NPFFR2: variants seen among roughly 807,000 people sequenced by gnomAD.
NPFFR2 encodes the protein neuropeptide FF receptor 2.
A neutral mutation model predicts 13.1 loss-of-function variants in NPFFR2; 15 were observed. The ratio of observed to expected loss-of-function variants is 1.15; its 90% CI spans 0.77 to 1.76. The LOEUF (loss-of-function observed/expected upper bound fraction) is 1.76. Ranked by LOEUF, NPFFR2 falls within the 40% of genes most tolerant of loss-of-function variation. The pLI is 0.00. For synonymous variants in NPFFR2, 190 were observed against 175.7 expected (o/e 1.08, Z -0.65); for missense variants, 572 against 503.5 (o/e 1.14, Z -1.30).
At chr4:72,048,203 G>A (rs1347880449) in intron 1 of NPFFR2, among the ~76,000 whole-genome samples, 1 of 152,078 alleles carries the variant, frequency 6.6e-6, no homozygotes, top group Admixed American at 6.6e-5. Context: ...CAACGAAAAG[G>A]CCAGAGACAC....
chr4:72,051,189 C>T (rs553815679), intron 1 of NPFFR2, among the ~76,000 whole-genome samples: 3 of 151,910 alleles, frequency 2.0e-5, no homozygotes, highest in Admixed American at 1.3e-4. Context: ...AGTTGCCACA[C>T]TGACTTCCAC....
At chr4:72,091,586 ATCCATC>A (rs1472137913) in intron 1 of NPFFR2, among the ~76,000 whole-genome samples, 1 of 152,086 alleles carries the variant, frequency 6.6e-6, no homozygotes, top group African/African-American at 2.4e-5. Context: ...CCAAGAATTT[ATCCATC>A]TCCTCTAGGT....
intron 1 of NPFFR2, among the ~76,000 whole-genome samples, chr4:72,126,604 CTGTT>C (rs536038415): frequency 3.2e-4 from 49 of 152,334 alleles, no homozygotes; most frequent in African/African-American, 1.0e-3. Flanking sequence ...TATGCCTAGA[CTGTT>C]TGTACAAACA....
intron 1 of NPFFR2, among the ~76,000 whole-genome samples, chr4:72,045,959 C>T (rs1316632873): frequency 6.6e-6 from 1 of 151,838 alleles, no homozygotes; most frequent in Non-Finnish European, 1.5e-5. Context: ...TGTATATGCC[C>T]TATATATGCA....
rs576044729 is a variant in NPFFR2, at chr4:72,032,063, C to T, written c.-145C>T. ...GAAGCCTGGAGTGGAGCAGGCAGTC[C>T]GCGGGGGACAGACGTCGGCTGGGAT... On this transcript the variant is annotated 5_prime_UTR_variant, in exon 1 of 4. Transcript: ENST00000308744. The T allele has an allele frequency of 4.3e-6, 7 of 1,614,042 alleles. No individual in the cohort carries two copies. Among genetic ancestry groups the T allele is most frequent in the East Asian group, 2.2e-5 (1 of 44,866 alleles).
chr4:72,068,981 A>G, intron 1 of NPFFR2: 1 of 1,432,070 alleles, frequency 7.0e-7, no homozygotes, highest in Non-Finnish European at 9.3e-7. Flanking sequence ...AAAAAGATTG[A>G]ATGTCTTAAT....
chr4:72,104,192 TTCTTTCACAAGAAATAGAGAAG>T (rs1271441491), intron 1 of NPFFR2, among the ~76,000 whole-genome samples: 1 of 152,094 alleles, frequency 6.6e-6, no homozygotes, highest in East Asian at 1.9e-4. Context: ...TGAAAGAACA[TTCTTTCACAAGAAATAGAGAAG>T]CTACCATGAT....
intron 1 of NPFFR2, among the ~76,000 whole-genome samples, chr4:72,122,663 A>T (rs1469440582): frequency 6.6e-6 from 1 of 152,230 alleles, no homozygotes; most frequent in Non-Finnish European, 1.5e-5. Context: ...CTGGTTAAAA[A>T]TTGAAATTAA....
chr4:72,123,269 A>T (rs972563745), intron 1 of NPFFR2, among the ~76,000 whole-genome samples: 10 of 143,672 alleles, frequency 7.0e-5, no homozygotes, highest in African/African-American at 2.3e-4. Context: ...TGAGGCAGTA[A>T]TTAATAGCCT....
At chr4:72,138,014 G>C in intron 2 of NPFFR2, 26 bp from the exon 3 acceptor site, 1 of 1,539,094 alleles carries the variant, frequency 6.5e-7, no homozygotes, top group Non-Finnish European at 9.0e-7. Context: ...ATGATCTTTT[G>C]AAAGACTGTT....
At chr4:72,048,298 G>A (rs1029685226) in intron 1 of NPFFR2, among the ~76,000 whole-genome samples, 2 of 152,036 alleles carry the variant, frequency 1.3e-5, no homozygotes, top group African/African-American at 4.8e-5. Context: ...GAAGATTTCA[G>A]GAATAGAGAA....
At chr4:72,112,408 T>G (rs1721588861) in intron 1 of NPFFR2, among the ~76,000 whole-genome samples, 1 of 151,968 alleles carries the variant, frequency 6.6e-6, no homozygotes, top group South Asian at 2.1e-4. Context: ...TTCCTTTTTC[T>G]CTTCATGGTC....
At chr4:72,136,960 G>A (rs922786472) in intron 2 of NPFFR2, among the ~76,000 whole-genome samples, 2 of 152,186 alleles carry the variant, frequency 1.3e-5, no homozygotes, top group African/African-American at 4.8e-5. Flanking sequence ...GTGGAATTGT[G>A]TGAGGGAGAT....
At chr4:72,084,710 T>C (rs1301994336) in intron 1 of NPFFR2, among the ~76,000 whole-genome samples, 1 of 152,120 alleles carries the variant, frequency 6.6e-6, no homozygotes, top group Non-Finnish European at 1.5e-5. Flanking sequence ...GCTTCAGTGC[T>C]TTCCTGAAAG....
At chr4:72,079,053 A>AATACACAC (rs1553890219) in intron 1 of NPFFR2, among the ~76,000 whole-genome samples, 1 of 139,104 alleles carries the variant, frequency 7.2e-6, no homozygotes, top group Non-Finnish European at 1.6e-5. Flanking sequence ...CATAGAACTA[A>AATACACAC]ACACACACAC....
At chr4:72,047,377 T>A (rs2109761245) in intron 1 of NPFFR2, among the ~76,000 whole-genome samples, 1 of 152,260 alleles carries the variant, frequency 6.6e-6, no homozygotes, top group Middle Eastern at 3.4e-3. Flanking sequence ...TGGTTTCTGG[T>A]GATGGTCTTG....
chr4:72,102,617 T>C lies in NPFFR2; in HGVS notation c.-7-25968T>C, dbSNP rs557796975. On this transcript the variant is annotated intron_variant, in intron 1 of 3. Coordinates refer to ENST00000308744, the MANE Select transcript of NPFFR2 (RefSeq NM_004885.3). ...TTCAATTCCCACCTATGAGTGAGAA[T>C]ATGCGGTGTTTGTTTTTTTGTCCTT... 1.6e-3 allele frequency among the ~76,000 whole-genome samples: 241 copies of C among 147,066 alleles called. 1 individual carries two copies. The highest frequency in any genetic ancestry group is 2.7e-3 in the Non-Finnish European group (180 of 67,318).
chr4:72,047,747 G>A (rs28412676), intron 1 of NPFFR2, among the ~76,000 whole-genome samples: 742 of 152,212 alleles, frequency 4.9e-3, no homozygotes, highest in Middle Eastern at 0.014. Context: ...AAATATATGC[G>A]TATATGTTAA....
intron 1 of NPFFR2, among the ~76,000 whole-genome samples, chr4:72,086,824 T>C (rs756029776): frequency 5.9e-5 from 9 of 152,158 alleles, no homozygotes; most frequent in Non-Finnish European, 1.0e-4. Flanking sequence ...TTGAGCTCCA[T>C]ATAAATGTAA....
Sources: allele counts gnomAD v4.1 joint callset (sites outside exome capture counted in the v4.1 genomes callset), GRCh38; gene constraint gnomAD v4.1.1; transcripts MANE v1.5; gene names NCBI Gene and HGNC (gene_info 2026-07-23, HGNC 2026-07-21).